The following DAZL variants were observed in gnomAD, a reference collection of about 807,000 sequenced individuals.
DAZL encodes deleted in azoospermia like.
DAZL carries 4 observed loss-of-function variants against 45.0 expected under a neutral mutation model. The ratio of observed to expected loss-of-function variants is 0.09; its 90% CI spans 0.04 to 0.20. DAZL has a LOEUF of 0.20. Among genes scored for constraint, DAZL ranks in the 10% least tolerant of loss-of-function variants. DAZL has a pLI of 1.00. For missense variants in DAZL, 326 were observed against 351.3 expected (o/e 0.93, Z 0.58); for synonymous variants, 122 against 112.4 (o/e 1.09, Z -0.54).
chr3:16,598,620 T>C, intron 1 of DAZL, 22 bp from the exon 2 acceptor site: 1 of 1,586,576 alleles, frequency 6.3e-7, no homozygotes, highest in South Asian at 1.1e-5. Flanking sequence ...AAAGTAGACA[T>C]CATAATTAGA....
intron 1 of DAZL, chr3:16,604,938 G>C (rs1694754573): frequency 1.5e-6 from 1 of 682,402 alleles, no homozygotes; most frequent in South Asian, 1.8e-5. Context: ...CGTGGCCCTT[G>C]CACGTGGCCG....
rs551414099 is a variant in DAZL at position 16,588,366 on chromosome 3, T to C, written c.*294A>G. On this transcript the variant is annotated 3_prime_UTR_variant, in exon 11 of 11. Transcript: ENST00000399444. ...AAAAACATTTTTTTGAAAATCAGTATTTGCTTTTAAACACTTAAAATGCCA... is the reference window on the plus strand; with the variant it reads ...AAAAACATTTTTTTGAAAATCAGTACTTGCTTTTAAACACTTAAAATGCCA... The C allele has an allele frequency of 2.9e-6, 1 of 343,840 alleles. No homozygotes were observed. The highest frequency in any genetic ancestry group is 2.1e-5 in the African/African-American group (1 of 47,720). 21.3% of individuals were successfully genotyped at this position (343,840 alleles called of 1,614,324 possible). A position where few individuals can be genotyped will look rare whatever the true frequency, so the allele number is the denominator to read the frequency against.
chr3:16,604,742 G>C, intron 1 of DAZL: 1 of 1,365,002 alleles, frequency 7.3e-7, no homozygotes, highest in Non-Finnish European at 9.4e-7. Flanking sequence ...CGGAGCCACG[G>C]GGAGAGCGCG....
At chr3:16,602,112 T>C (rs947954431) in intron 1 of DAZL, among the ~76,000 whole-genome samples, 1 of 152,006 alleles carries the variant, frequency 6.6e-6, no homozygotes, top group Non-Finnish European at 1.5e-5. Flanking sequence ...GAGTAGATTC[T>C]TGGGGAGTTG....
chr3:16,588,817 CATT>C, intron 10 of DAZL, 104 bp from the exon 11 acceptor site: 1 of 879,512 alleles, frequency 1.1e-6, no homozygotes, highest in Non-Finnish European at 1.9e-6. Context: ...TGGGTTTAAA[CATT>C]ATAAATAATG....
At position 16,594,586 on chromosome 3, in the gene DAZL, T is replaced by TAA. The variant is rs35729175; in HGVS notation, c.571-5_571-4dup. On this transcript the variant is annotated splice_region_variant and splice_polypyrimidine_tract_variant and intron_variant, in intron 7 of 10. Transcript: ENST00000399444. The stretch of plus-strand genomic sequence containing the variant: ...CCAACAGGCCACTGTGGTGGCATCT[T>TAA]AAAAAAAAAAAAAAGGAAACCAAAA... 10,863 of 1,372,692 alleles carry TAA rather than the reference T, an allele frequency of 7.9e-3. 8 individuals carry two copies. The highest frequency in any genetic ancestry group is 0.01 in the South Asian group (694 of 68,582). 85.0% of individuals were successfully genotyped at this position (1,372,692 alleles called of 1,614,324 possible).
rs1694475042 is a variant in DAZL, at chr3:16,588,708, T to C, written c.840A>G (p.Lys280=). 1.2e-6 allele frequency: 2 copies of C among 1,611,300 alleles called. No homozygotes were observed. Among genetic ancestry groups the C allele is most frequent in the Non-Finnish European group, 8.5e-7 (1 of 1,177,838 alleles). The change falls in exon 11 of 11, where the codon AAA becomes AAG. Residue 280 remains lysine (K), a synonymous_variant. Coordinates refer to ENST00000399444, the MANE Select transcript of DAZL (RefSeq NM_001351.4). ...VVTQDDYFKD[K]RVHHFRRSRA... ...GACTTCTTCTAAAGTGATGCACTCT[T>C]TTATCCTGGAAAAGACAGAAAGAGT... is the stretch of plus-strand genomic sequence containing the variant.
chr3:16,602,443 C>A (rs1251410197), intron 1 of DAZL, among the ~76,000 whole-genome samples: 2 of 152,118 alleles, frequency 1.3e-5, no homozygotes, highest in Non-Finnish European at 2.9e-5. Context: ...TGCACATACA[C>A]ATCAGACACC....
chr3:16,589,228 A>C (rs1204995204), intron 10 of DAZL, among the ~76,000 whole-genome samples: 1 of 152,158 alleles, frequency 6.6e-6, no homozygotes, highest in Non-Finnish European at 1.5e-5. Flanking sequence ...GAAAGAGAAA[A>C]AATTTAAATA....
chr3:16,598,709 C>A, intron 1 of DAZL, 111 bp from the exon 2 acceptor site: 1 of 1,187,818 alleles, frequency 8.4e-7, no homozygotes, highest in Non-Finnish European at 1.1e-6. Context: ...AAATTACTTT[C>A]ATTCTAAGTT....
chr3:16,598,819 T>C (rs542544645), intron 1 of DAZL, among the ~76,000 whole-genome samples: 2 of 150,970 alleles, frequency 1.3e-5, no homozygotes, highest in African/African-American at 4.9e-5. Flanking sequence ...GTCTCGCCCT[T>C]GTCACCCAGG....
chr3:16,605,193 C>T lies in DAZL; in HGVS notation c.3+10G>A. ...CCAGCCTTGCCCCTCGGGCCTCTCCCTCAACTCACCATGATGGCGGCAGGC... is the reference window on the plus strand; with the variant it reads ...CCAGCCTTGCCCCTCGGGCCTCTCCTTCAACTCACCATGATGGCGGCAGGC... On this transcript the variant is annotated intron_variant, in intron 1 of 10. Coordinates refer to ENST00000399444, the MANE Select transcript of DAZL (RefSeq NM_001351.4). 1 of 1,614,200 alleles carries T rather than the reference C, an allele frequency of 6.2e-7. No individual in the cohort carries two copies. The highest frequency in any genetic ancestry group is 1.1e-5 in the South Asian group (1 of 91,092).
Position 16,604,936 on chromosome 3 carries a change from T to C in DAZL, c.3+267A>G, listed in dbSNP as rs1284071961. On this transcript the variant is annotated intron_variant, in intron 1 of 10. Coordinates refer to ENST00000399444, the MANE Select transcript of DAZL (RefSeq NM_001351.4). The stretch of plus-strand genomic sequence containing the variant: ...GGGTGCCTCAAGAAGGCCGTGGCCC[T>C]TGCACGTGGCCGGCGAGGCAGCGCG... The C allele has an allele frequency of 7.3e-6, 5 of 683,714 alleles. No individual in the cohort carries two copies. The East Asian group carries it at 8.2e-5, about 11-fold the overall frequency. 42.4% of individuals were successfully genotyped at this position (683,714 alleles called of 1,614,324 possible).
At chr3:16,592,907 A>G (rs2125044448) in intron 9 of DAZL, among the ~76,000 whole-genome samples, 1 of 152,322 alleles carries the variant, frequency 6.6e-6, no homozygotes, top group Non-Finnish European at 1.5e-5. Context: ...AAGAGAACAT[A>G]TGTGATTCAA....
intron 1 of DAZL, chr3:16,604,296 A>C (rs904173954): frequency 5.7e-6 from 4 of 707,172 alleles, no homozygotes; most frequent in Non-Finnish European, 9.2e-6. Flanking sequence ...AACGCTAGGC[A>C]TTTACCAAAC....
rs746984255 is a variant in DAZL, at chr3:16,604,505, G to C, written c.3+698C>G. ...CCGCCACACGAGGGAGCCGCCATCA[G>C]CAAGTCCCCCGCAGCTGACAGGCGC... On this transcript the variant is annotated intron_variant, in intron 1 of 10. Transcript: ENST00000399444. 5 of 1,518,812 alleles carry C rather than the reference G, an allele frequency of 3.3e-6. No individual in the cohort carries two copies. The South Asian group carries it at 6.1e-5, about 19-fold the overall frequency. 94.1% of individuals were successfully genotyped at this position (1,518,812 alleles called of 1,614,324 possible). A position where few individuals can be genotyped will look rare whatever the true frequency, so the allele number is the denominator to read the frequency against.
intron 1 of DAZL, among the ~76,000 whole-genome samples, chr3:16,600,407 G>A (rs1361122332): frequency 6.6e-6 from 1 of 152,092 alleles, no homozygotes; most frequent in African/African-American, 2.4e-5. Flanking sequence ...GCTTATACTT[G>A]CTATTTTGGG....
intron 7 of DAZL, 135 bp downstream of exon 7, chr3:16,595,179 T>C (rs1694579359): frequency 1.9e-6 from 1 of 536,586 alleles, no homozygotes; most frequent in Non-Finnish European, 3.3e-6. Context: ...GTCTTAATTC[T>C]AGACTAATTT....
chr3:16,599,560 A>T (rs376871785), intron 1 of DAZL, among the ~76,000 whole-genome samples: 78 of 152,316 alleles, frequency 5.1e-4, no homozygotes, highest in African/African-American at 1.8e-3. Flanking sequence ...TTTTGAAATA[A>T]CATTTTTCTT....
Sources: gnomAD v4.1 joint callset for allele counts (sites outside exome capture counted in the v4.1 genomes callset) on GRCh38, gnomAD v4.1.1 for gene constraint, MANE v1.5 for transcripts, NCBI Gene and HGNC (gene_info 2026-07-23, HGNC 2026-07-21) for gene names.